LINGO2: variants seen among roughly 807,000 people sequenced by gnomAD.
LINGO2 encodes the protein leucine-rich repeat and immunoglobulin-like domain-containing nogo receptor-interacting protein 2.
Under a neutral mutation model 30.6 loss-of-function variants are expected in LINGO2, and 14 were observed. That is an observed-to-expected ratio of 0.46 (90% CI 0.30 to 0.72). The LOEUF is 0.72. Ranked by LOEUF, LINGO2 falls within the 30% of genes least tolerant of loss-of-function variation. LINGO2 has a pLI of 0.07. For synonymous variants in LINGO2, 317 were observed against 288.5 expected (o/e 1.10, Z -1.00); for missense variants, 729 against 751.7 (o/e 0.97, Z 0.35).
At chr9:28,280,369 C>T (rs1310840302) in intron 4 of LINGO2, among the ~76,000 whole-genome samples, 1 of 152,014 alleles carries the variant, frequency 6.6e-6, no homozygotes, top group Non-Finnish European at 1.5e-5. Flanking sequence ...CAAACCTAAA[C>T]TCAGGGTAAT....
In LINGO2 at chr9:28,479,956, T is replaced by TATATATATATATAC. The variant is rs1491144467; in HGVS notation, c.-364-3932_-364-3931insGTATATATATATAT. Among the ~76,000 whole-genome samples, 58 of 105,006 alleles carry TATATATATATATAC rather than the reference T, an allele frequency of 5.5e-4. 2 individuals are homozygous for TATATATATATATAC. The highest frequency in any genetic ancestry group is 7.5e-4 in the African/African-American group (21 of 28,166). The allele number at this position is 105,006 out of a possible 152,430, so 68.9% of individuals were successfully genotyped here. A position where few individuals can be genotyped will look rare whatever the true frequency, so the allele number is the denominator to read the frequency against. On this transcript the variant is annotated intron_variant, in intron 1 of 5. Coordinates refer to ENST00000379992, the Ensembl canonical transcript of LINGO2. ...ATATATATATATATATATATATATA[T>TATATATATATATAC]GTACATTTTGAGAGAAACTTAAATA...
intron 1 of LINGO2, among the ~76,000 whole-genome samples, chr9:28,499,418 C>G (rs1203229013): frequency 2.6e-5 from 4 of 152,178 alleles, no homozygotes; most frequent in Non-Finnish European, 4.4e-5. Context: ...TGATCAACAT[C>G]CCTTAGCCTT....
At chr9:28,409,481 T>C (rs1462251997) in intron 2 of LINGO2, among the ~76,000 whole-genome samples, 1 of 152,148 alleles carries the variant, frequency 6.6e-6, no homozygotes, top group Non-Finnish European at 1.5e-5. Context: ...ATGTGGATTT[T>C]TGAATAGTGT....
the LINGO2 span, among the ~76,000 whole-genome samples, chr9:28,747,477 A>C: frequency 6.6e-6 from 1 of 152,070 alleles, no homozygotes; most frequent in Non-Finnish European, 1.5e-5. Context: ...ATTAACACAT[A>C]AGCCATCTGT....
chr9:28,077,908 C>T (rs918011503), intron 4 of LINGO2, among the ~76,000 whole-genome samples: 2 of 148,992 alleles, frequency 1.3e-5, no homozygotes, highest in African/African-American at 5.2e-5. Context: ...TACTCTACTG[C>T]TTCTTTGAAG....
At chr9:28,279,551 G>A (rs1211925790) in intron 4 of LINGO2, among the ~76,000 whole-genome samples, 1 of 152,058 alleles carries the variant, frequency 6.6e-6, no homozygotes, top group Non-Finnish European at 1.5e-5. Flanking sequence ...ATCACATGAA[G>A]GTTAGCATTC....
the LINGO2 span, among the ~76,000 whole-genome samples, chr9:28,788,652 C>G: frequency 6.6e-6 from 1 of 152,106 alleles, no homozygotes; most frequent in Non-Finnish European, 1.5e-5. Context: ...GAAGGGAAAG[C>G]AAGGCAAATT....
At chr9:28,163,024 C>T (rs1828330652) in intron 4 of LINGO2, among the ~76,000 whole-genome samples, 1 of 152,028 alleles carries the variant, frequency 6.6e-6, no homozygotes, top group African/African-American at 2.4e-5. Flanking sequence ...CTCTAAGTAA[C>T]AGATTGAGAA....
the LINGO2 span, among the ~76,000 whole-genome samples, chr9:28,892,343 A>C: frequency 1.3e-5 from 2 of 152,016 alleles, no homozygotes; most frequent in African/African-American, 4.8e-5. Flanking sequence ...ATCATGATAA[A>C]ATATGAATTT....
chr9:28,285,309 A>G (rs962681053), intron 4 of LINGO2, among the ~76,000 whole-genome samples: 6 of 151,780 alleles, frequency 4.0e-5, no homozygotes, highest in Non-Finnish European at 8.8e-5. Flanking sequence ...ATCTCATTTA[A>G]TGCTTACAAT....
rs60784166 is a variant in LINGO2 at position 28,403,654 on chromosome 9, C to CT, written c.-278-30787dup. Among the ~76,000 whole-genome samples, 325 of 146,378 alleles carry CT rather than the reference C, an allele frequency of 2.2e-3. 2 individuals carry two copies. Among genetic ancestry groups the CT allele is most frequent in the African/African-American group, 6.9e-3 (272 of 39,612 alleles). On this transcript the variant is annotated intron_variant, in intron 2 of 5. Transcript: ENST00000379992. ...TAATTATGACAATGCCACCCCTCTCCTTTTTTTTTTTTTTTCAAAGGATGA... is the reference window on the plus strand; with the variant it reads ...TAATTATGACAATGCCACCCCTCTCCTTTTTTTTTTTTTTTTCAAAGGATGA...
the LINGO2 span, among the ~76,000 whole-genome samples, chr9:28,732,226 C>T: frequency 6.6e-6 from 1 of 151,972 alleles, no homozygotes; most frequent in African/African-American, 2.4e-5. Flanking sequence ...TCTGCAGACC[C>T]TATTTAAACG....
At chr9:27,983,578 T>C (rs147788760) in intron 5 of LINGO2, among the ~76,000 whole-genome samples, 115 of 151,986 alleles carry the variant, frequency 7.6e-4, no homozygotes, top group African/African-American at 2.7e-3. Context: ...CTGTGTGACC[T>C]TACATCAGTC....
chr9:28,500,381 T>C (rs1042643032), intron 1 of LINGO2, among the ~76,000 whole-genome samples: 1 of 152,176 alleles, frequency 6.6e-6, no homozygotes, highest in African/African-American at 2.4e-5. Context: ...CCCAGAAATT[T>C]GAGGCAAACA....
chr9:28,783,900 ATCT>A, the LINGO2 span, among the ~76,000 whole-genome samples: 1 of 152,182 alleles, frequency 6.6e-6, no homozygotes, highest in African/African-American at 2.4e-5. Context: ...GCAGATGGTC[ATCT>A]TCTTGTTGCA....
At chr9:29,059,751 A>G in the LINGO2 span, among the ~76,000 whole-genome samples, 4 of 152,100 alleles carry the variant, frequency 2.6e-5, no homozygotes, top group African/African-American at 9.7e-5. Context: ...TCAACTTAAC[A>G]TTATAATATC....
chr9:28,362,493 T>TGA, intron 3 of LINGO2, among the ~76,000 whole-genome samples: 1 of 151,906 alleles, frequency 6.6e-6, no homozygotes. Context: ...TTTTTGAGAC[T>TGA]GAGTTTCACT....
chr9:28,179,048 G>A (rs1267644721), intron 4 of LINGO2, among the ~76,000 whole-genome samples: 1 of 151,924 alleles, frequency 6.6e-6, no homozygotes, highest in Non-Finnish European at 1.5e-5. Flanking sequence ...ATGTACAAAA[G>A]TGAATTGAAC....
At chr9:28,050,828 T>C (rs1397428079) in intron 4 of LINGO2, among the ~76,000 whole-genome samples, 1 of 150,992 alleles carries the variant, frequency 6.6e-6, no homozygotes, top group South Asian at 2.1e-4. Flanking sequence ...AGGAATAACA[T>C]GTGTAAGTGG....
Sources: allele counts gnomAD v4.1 joint callset (sites outside exome capture counted in the v4.1 genomes callset), GRCh38; gene constraint gnomAD v4.1.1; transcripts MANE v1.5; gene names NCBI Gene and HGNC (gene_info 2026-07-23, HGNC 2026-07-21).